The following ERBB4 variants were observed in gnomAD, a reference collection of about 807,000 sequenced individuals.
ERBB4 encodes the protein erb-b2 receptor tyrosine kinase 4, also known as receptor tyrosine-protein kinase erbB-4.
ERBB4 carries 42 observed loss-of-function variants against 158.0 expected under a neutral mutation model. The observed-to-expected ratio is 0.27, with a 90% CI of 0.21 to 0.34. The LOEUF (loss-of-function observed/expected upper bound fraction) is 0.34. ERBB4 is among the 10% of genes least tolerant of loss of function. The pLI is 1.00. For missense variants in ERBB4, 1,333 were observed against 1,624.1 expected (o/e 0.82, Z 3.08); for synonymous variants, 583 against 558.7 (o/e 1.04, Z -0.61).
intron 2 of ERBB4, among the ~76,000 whole-genome samples, chr2:212,045,502 T>G (rs974895723): frequency 6.6e-6 from 1 of 152,114 alleles, no homozygotes; most frequent in African/African-American, 2.4e-5. Context: ...TAACATTTTG[T>G]TTTTGGTAAT....
intron 1 of ERBB4, among the ~76,000 whole-genome samples, chr2:212,537,917 G>C (rs1384292): frequency 0.5 from 75,247 of 151,990 alleles, 20,609 homozygotes; most frequent in African/African-American, 0.71. Flanking sequence ...TGCGTCTGAC[G>C]CCACAAGGCT....
intron 20 of ERBB4, 127 bp from the exon 21 acceptor site, chr2:211,431,227 T>G: frequency 1.2e-6 from 1 of 823,134 alleles, no homozygotes; most frequent in Non-Finnish European, 1.9e-6. Flanking sequence ...AATCCTAGAA[T>G]ATTTTCAAAA....
intron 3 of ERBB4, among the ~76,000 whole-genome samples, chr2:211,883,364 T>C (rs1258234564): frequency 2.6e-5 from 4 of 152,044 alleles, no homozygotes; most frequent in Non-Finnish European, 4.4e-5. Context: ...AGTTAATGGG[T>C]GCAGCACACC....
At chr2:212,254,522 C>T (rs1390068739) in intron 1 of ERBB4, among the ~76,000 whole-genome samples, 1 of 152,166 alleles carries the variant, frequency 6.6e-6, no homozygotes, top group Non-Finnish European at 1.5e-5. Context: ...TCTGCTCTAC[C>T]GTGGGATCAC....
At chr2:211,861,752 A>G (rs1305897173) in intron 3 of ERBB4, among the ~76,000 whole-genome samples, 2 of 152,166 alleles carry the variant, frequency 1.3e-5, no homozygotes, top group African/African-American at 2.4e-5. Context: ...GCTTGGAACA[A>G]CAAGGAAGCT....
chr2:211,389,075 A>G (rs1056504809), intron 25 of ERBB4, among the ~76,000 whole-genome samples: 2 of 152,110 alleles, frequency 1.3e-5, no homozygotes, highest in African/African-American at 2.4e-5. Context: ...TCGCTCTGTC[A>G]CCCAGGCTGG....
intron 1 of ERBB4, among the ~76,000 whole-genome samples, chr2:212,498,198 C>T (rs546757644): frequency 6.6e-6 from 1 of 151,928 alleles, no homozygotes; most frequent in East Asian, 1.9e-4. Flanking sequence ...GTAATAACCC[C>T]TTCCCCAACT....
At chr2:211,820,839 T>C (rs1022626204) in intron 3 of ERBB4, among the ~76,000 whole-genome samples, 1 of 151,850 alleles carries the variant, frequency 6.6e-6, no homozygotes, top group African/African-American at 2.4e-5. Flanking sequence ...ACAAAAACTA[T>C]GTGATCATCT....
intron 21 of ERBB4, 39 bp from the exon 22 acceptor site, chr2:211,428,522 T>C: frequency 3.6e-6 from 4 of 1,103,214 alleles, no homozygotes; most frequent in Non-Finnish European, 5.6e-6. Context: ...AAAATTACAT[T>C]AAAAATTCAT....
chr2:212,024,319 C>A (rs780878243), intron 2 of ERBB4, among the ~76,000 whole-genome samples: 2 of 151,050 alleles, frequency 1.3e-5, no homozygotes, highest in African/African-American at 2.4e-5. Context: ...CAACTTGCTG[C>A]AAAGCACATA....
chr2:212,070,939 T>C (rs2078097443), intron 2 of ERBB4, among the ~76,000 whole-genome samples: 1 of 151,978 alleles, frequency 6.6e-6, no homozygotes, highest in African/African-American at 2.4e-5. Flanking sequence ...TTCATTCTTA[T>C]TATGTTTTAA....
intron 3 of ERBB4, among the ~76,000 whole-genome samples, chr2:211,857,171 GTGTGTT>G (rs1290758058): frequency 6.6e-6 from 1 of 151,218 alleles, no homozygotes; most frequent in Non-Finnish European, 1.5e-5. Context: ...GTGTGTGTGT[GTGTGTT>G]TGTGTGTCTT....
chr2:212,038,502 A>C (rs2077066178), intron 2 of ERBB4, among the ~76,000 whole-genome samples: 1 of 152,134 alleles, frequency 6.6e-6, no homozygotes, highest in Non-Finnish European at 1.5e-5. Flanking sequence ...GGCTGTTCAA[A>C]AATGTATGTC....
At position 211,386,935 on chromosome 2, in the gene ERBB4, G is replaced by A. The variant is rs758847566; in HGVS notation, c.3399C>T (p.Thr1133=). The A allele has an allele frequency of 1.9e-5, 30 of 1,613,982 alleles. No homozygotes were observed. The highest frequency in any genetic ancestry group is 5.0e-5 in the Admixed American group (3 of 59,988). Residue 1133 remains threonine (T), a synonymous_variant, in exon 27 of 28, where the codon ACC becomes ACT. Coordinates refer to ENST00000342788, the MANE Select transcript of ERBB4 (RefSeq NM_005235.3). ...GTGGGCTCCGTTCTGGGGCAAACAC[G>A]GTGGGGTCAGCACTGTACCTCTGGG... ...SSTQRYSADP[T]VFAPERSPRG... is the part of the protein sequence containing the mutation.
At chr2:211,623,398 G>A (rs1280978085) in intron 18 of ERBB4, among the ~76,000 whole-genome samples, 3 of 151,970 alleles carry the variant, frequency 2.0e-5, no homozygotes, top group Admixed American at 2.0e-4. Context: ...ATGTAACCAA[G>A]TAGGCAAAAA....
chr2:212,375,212 G>C (rs2090279151), intron 1 of ERBB4, among the ~76,000 whole-genome samples: 1 of 152,016 alleles, frequency 6.6e-6, no homozygotes, highest in Non-Finnish European at 1.5e-5. Flanking sequence ...TCAGATTATG[G>C]AGAGAAATCC....
chr2:211,739,813 A>G (rs2074730306), intron 5 of ERBB4, among the ~76,000 whole-genome samples: 1 of 152,214 alleles, frequency 6.6e-6, no homozygotes. Context: ...TATTCTTTAG[A>G]AAAGAAAGCA....
At chr2:211,662,903 A>G (rs1304520228) in intron 15 of ERBB4, among the ~76,000 whole-genome samples, 1 of 152,234 alleles carries the variant, frequency 6.6e-6, no homozygotes, top group African/African-American at 2.4e-5. Flanking sequence ...GACATCATAT[A>G]GGCATATAAA....
intron 1 of ERBB4, among the ~76,000 whole-genome samples, chr2:212,314,399 A>G (rs1285139607): frequency 2.7e-5 from 4 of 150,878 alleles, no homozygotes; most frequent in Non-Finnish European, 5.9e-5. Flanking sequence ...GTGGATGGCA[A>G]GAAGTTTAGA....
Sources: allele counts gnomAD v4.1 joint callset (sites outside exome capture counted in the v4.1 genomes callset), GRCh38; gene constraint gnomAD v4.1.1; transcripts MANE v1.5; gene names NCBI Gene and HGNC (gene_info 2026-07-23, HGNC 2026-07-21).